Variants in SRGAP3 observed in about 807,000 individuals in gnomAD.
The protein encoded by SRGAP3 is SLIT-ROBO Rho GTPase-activating protein 3.
SRGAP3 carries 39 observed loss-of-function variants against 121.1 expected under a neutral mutation model. That is an observed-to-expected ratio of 0.32 (90% confidence interval 0.25 to 0.42). The LOEUF is 0.42. Ranked by LOEUF, SRGAP3 falls within the 10% of genes least tolerant of loss-of-function variation. The pLI is 1.00. For missense variants in SRGAP3, 1,213 were observed against 1,470.6 expected (o/e 0.82, Z 2.86); for synonymous variants, 601 against 570.0 (o/e 1.05, Z -0.77).
At chr3:9,360,445 T>G (rs888279698) in intron 1 of SRGAP3, among the ~76,000 whole-genome samples, 1 of 152,174 alleles carries the variant, frequency 6.6e-6, no homozygotes, top group Non-Finnish European at 1.5e-5. Context: ...GTAGTGGAAT[T>G]GGTGAGTAAT....
chr3:9,000,848 C>T (rs900164287), intron 18 of SRGAP3, among the ~76,000 whole-genome samples: 1 of 152,178 alleles, frequency 6.6e-6, no homozygotes, highest in African/African-American at 2.4e-5. Context: ...TAGAGATTAA[C>T]AGCCGGAAAG....
chr3:9,020,570 T>C (rs1416399993), intron 14 of SRGAP3, among the ~76,000 whole-genome samples: 1 of 152,252 alleles, frequency 6.6e-6, no homozygotes, highest in Non-Finnish European at 1.5e-5. Flanking sequence ...GTTCCCGTTG[T>C]TAAGCATGAT....
At chr3:9,354,917 A>T (rs1459832731) in intron 1 of SRGAP3, among the ~76,000 whole-genome samples, 1 of 152,210 alleles carries the variant, frequency 6.6e-6, no homozygotes, top group Non-Finnish European at 1.5e-5. Context: ...ACCTGTCTCA[A>T]ACTGGCATTT....
intron 1 of SRGAP3, among the ~76,000 whole-genome samples, chr3:9,335,866 A>C (rs984586200): frequency 2.7e-4 from 41 of 152,140 alleles, no homozygotes; most frequent in Admixed American, 5.9e-4. Context: ...TCGTTTTCTT[A>C]TTATTATTTT....
Position 9,109,250 on chromosome 3 carries a change from G to A in SRGAP3, c.261-4408C>T, listed in dbSNP as rs1948529542. ...CCAGAAGGTGAGTTTCAGAGGGAAG[G>A]AAAAAGACAACTGATCTGGAACTGA... On this transcript the variant is annotated intron_variant, in intron 2 of 21. Coordinates refer to ENST00000383836, the MANE Select transcript of SRGAP3 (RefSeq NM_014850.4). This position sits in a 1 kb window ranked among gnomAD's most constrained non-coding sequence, Gnocchi z 4.4. Among the ~76,000 whole-genome samples, 1 of 152,170 alleles carries A rather than the reference G, an allele frequency of 6.6e-6. No individual in the cohort carries two copies. Among genetic ancestry groups the A allele is most frequent in the Non-Finnish European group, 1.5e-5 (1 of 68,022 alleles).
At chr3:9,178,704 G>C (rs965622326) in intron 1 of SRGAP3, among the ~76,000 whole-genome samples, 1 of 152,140 alleles carries the variant, frequency 6.6e-6, no homozygotes, top group African/African-American at 2.4e-5. Context: ...TGCTCCCAAT[G>C]CCTCCCATGG....
At chr3:9,082,485 C>T (rs1947290233) in intron 3 of SRGAP3, among the ~76,000 whole-genome samples, 1 of 152,244 alleles carries the variant, frequency 6.6e-6, no homozygotes, top group Non-Finnish European at 1.5e-5. Flanking sequence ...TGCTCTTAGA[C>T]TTCCCAGCCT....
chr3:9,008,975 C>A (rs341788), intron 18 of SRGAP3, among the ~76,000 whole-genome samples: 1 of 152,086 alleles, frequency 6.6e-6, no homozygotes, highest in Non-Finnish European at 1.5e-5. Context: ...AGATCCTACA[C>A]GAGAATGAAA....
At chr3:9,094,392 TTC>T (rs1464122255) in intron 3 of SRGAP3, among the ~76,000 whole-genome samples, 3 of 152,366 alleles carry the variant, frequency 2.0e-5, no homozygotes, top group Non-Finnish European at 4.4e-5. Flanking sequence ...TTTAGGTTAT[TTC>T]TCTGTTTCTC....
chr3:9,259,825 T>A (rs1954215370), intron 3 of SRGAP3, among the ~76,000 whole-genome samples: 1 of 140,004 alleles, frequency 7.1e-6, no homozygotes, highest in South Asian at 2.5e-4. Flanking sequence ...TTTAATGAGT[T>A]TAAATCTAAA....
intron 3 of SRGAP3, among the ~76,000 whole-genome samples, chr3:9,285,087 T>C (rs1954745546): frequency 6.6e-6 from 1 of 152,168 alleles, no homozygotes; most frequent in African/African-American, 2.4e-5. Context: ...GTGCAAGAGT[T>C]AGGGGAGTGA....
intron 18 of SRGAP3, among the ~76,000 whole-genome samples, chr3:9,006,456 T>C (rs1013229627): frequency 6.6e-6 from 1 of 151,564 alleles, no homozygotes; most frequent in Non-Finnish European, 1.5e-5. Context: ...CTGGGGTGTT[T>C]GTGCATAAAT....
intron 2 of SRGAP3, among the ~76,000 whole-genome samples, chr3:9,106,372 T>C (rs1311376428): frequency 6.6e-6 from 1 of 152,160 alleles, no homozygotes; most frequent in Non-Finnish European, 1.5e-5. Context: ...AGGTGGCAGC[T>C]CCAGGGTTCC....
chr3:9,247,402 A>C (rs2600174), intron 1 of SRGAP3, among the ~76,000 whole-genome samples: 107,947 of 152,048 alleles, frequency 0.71, 38,698 homozygotes, highest in South Asian at 0.76. Context: ...GCCCTAGGAT[A>C]TGCCCAGAGG....
intron 1 of SRGAP3, among the ~76,000 whole-genome samples, chr3:9,191,859 GT>G (rs1338956645): frequency 6.6e-6 from 1 of 152,086 alleles, no homozygotes; most frequent in East Asian, 1.9e-4. Context: ...GTGAGTTCTG[GT>G]TATTTAAAAG....
At position 9,018,138 on chromosome 3, in the gene SRGAP3, C is replaced by T. The variant is rs370779949; in HGVS notation, c.1679-2407G>A. The stretch of plus-strand genomic sequence containing the variant: ...TCTGAGGCTGGCTTATTTCACTTAA[C>T]ATAATGTCCTCCAGTTCCATACATG... On this transcript the variant is annotated intron_variant, in intron 14 of 21. Coordinates refer to ENST00000383836, the MANE Select transcript of SRGAP3 (RefSeq NM_014850.4). 3.3e-5 allele frequency among the ~76,000 whole-genome samples: 5 copies of T among 152,318 alleles called. No individual in the cohort carries two copies. The South Asian group carries it at 6.2e-4, about 19-fold the overall frequency.
chr3:9,329,413 T>C (rs558230385), intron 2 of SRGAP3, among the ~76,000 whole-genome samples: 3 of 152,276 alleles, frequency 2.0e-5, no homozygotes, highest in Admixed American at 6.5e-5. Flanking sequence ...CTTTTTTTGT[T>C]CTGGCCATAG....
chr3:9,070,496 A>G (rs962143113), intron 4 of SRGAP3, among the ~76,000 whole-genome samples: 2 of 152,242 alleles, frequency 1.3e-5, no homozygotes, highest in African/African-American at 4.8e-5. Flanking sequence ...GTATCAACAC[A>G]TATTTGCATG....
At chr3:9,067,331 T>C (rs1399092487) in intron 4 of SRGAP3, among the ~76,000 whole-genome samples, 2 of 152,098 alleles carry the variant, frequency 1.3e-5, no homozygotes, top group Non-Finnish European at 2.9e-5. Flanking sequence ...AAACAATACA[T>C]GGATTTAAAA....
Sources: allele counts gnomAD v4.1 joint callset (sites outside exome capture counted in the v4.1 genomes callset), GRCh38; gene constraint gnomAD v4.1.1; non-coding constraint Gnocchi (gnomAD v3.1); transcripts MANE v1.5; gene names NCBI Gene and HGNC (gene_info 2026-07-23, HGNC 2026-07-21).